Variants in PPIP5K2 observed in about 807,000 individuals in gnomAD.
The protein encoded by PPIP5K2 is inositol hexakisphosphate and diphosphoinositol-pentakisphosphate kinase 2.
A neutral mutation model predicts 154.6 loss-of-function variants in PPIP5K2; 105 were observed. The observed-to-expected ratio is 0.68, with a 90% CI of 0.58 to 0.80. The LOEUF (loss-of-function observed/expected upper bound fraction) is 0.80, where lower values mean the gene tolerates loss of function less well. Among genes scored for constraint, PPIP5K2 ranks in the 30% least tolerant of loss-of-function variants. The pLI, the probability that PPIP5K2 is intolerant of heterozygous loss-of-function variation, is 0.00. For synonymous variants in PPIP5K2, 480 were observed against 490.3 expected, an observed-to-expected ratio of 0.98 and a Z score of 0.28; for missense variants, 992 against 1,504.6, an observed-to-expected ratio of 0.66 and a Z score of 5.64.
At chr5:103,139,221 CTT>C (rs1792117568) in intron 5 of PPIP5K2, among the ~76,000 whole-genome samples, 1 of 152,142 alleles carries the variant, frequency 6.6e-6, no homozygotes, top group Non-Finnish European at 1.5e-5. Context: ...TCTGTTCACA[CTT>C]AGTATTGTGG....
chr5:103,181,959 G>A (rs1449311908), intron 24 of PPIP5K2, among the ~76,000 whole-genome samples: 1 of 151,996 alleles, frequency 6.6e-6, no homozygotes, highest in African/African-American at 2.4e-5. Flanking sequence ...CAAAAGAAAA[G>A]GGTTATTAAA....
intron 29 of PPIP5K2, among the ~76,000 whole-genome samples, chr5:103,194,168 T>G (rs1195349005): frequency 1.3e-5 from 2 of 152,094 alleles, no homozygotes; most frequent in Non-Finnish European, 2.9e-5. Context: ...ACTCTGTCTC[T>G]TTGTTTTTTT....
rs1803095000 is a variant in PPIP5K2 at position 103,201,984 on chromosome 5, T to G, written c.*350T>G. 1 of 166,778 alleles carries G rather than the reference T, an allele frequency of 6.0e-6. No individual in the cohort carries two copies. The highest frequency in any genetic ancestry group is 1.8e-4 in the South Asian group (1 of 5,610). 10.3% of individuals were successfully genotyped at this position (166,778 alleles called of 1,614,324 possible). A position where few individuals can be genotyped will look rare whatever the true frequency, so the allele number is the denominator to read the frequency against. On this transcript the variant is annotated 3_prime_UTR_variant, in exon 31 of 31. Coordinates refer to ENST00000358359, the MANE Select transcript of PPIP5K2 (RefSeq NM_001276277.3). Reference sequence around the variant, plus strand: ...ATGAGCTGGCCTTTGTGCACACTTTTATTTTCATGGGATTGCATCTTAGCT... The same window carrying G: ...ATGAGCTGGCCTTTGTGCACACTTTGATTTTCATGGGATTGCATCTTAGCT...
At position 103,191,085 on chromosome 5, in the gene PPIP5K2, G is replaced by T. The variant is rs944068489; in HGVS notation, c.3493+103G>T. 1.2e-5 allele frequency: 13 copies of T among 1,103,446 alleles called. No individual in the cohort carries two copies. The African/African-American group carries it at 1.9e-4, about 16-fold the overall frequency. The allele number at this position is 1,103,446 out of a possible 1,614,324, so 68.4% of individuals were successfully genotyped here. A position where few individuals can be genotyped will look rare whatever the true frequency, so the allele number is the denominator to read the frequency against. ...CAACATAAAAGCAGGTAGTGGTAAT[G>T]AGTAGGAGTACAAAGGGGAGTGTAA... On this transcript the variant is annotated intron_variant, in intron 29 of 30. Coordinates refer to ENST00000358359, the MANE Select transcript of PPIP5K2 (RefSeq NM_001276277.3).
At position 103,204,649 on chromosome 5, in the gene PPIP5K2, T is replaced by A. The variant is rs1219898099; in HGVS notation, c.*3015T>A. On this transcript the variant is annotated 3_prime_UTR_variant, in exon 31 of 31. Transcript: ENST00000358359. ...TTACACTCCTTCAGAAGGAGTCATT[T>A]GTGATTGGAGTCCACATAGAAACAG... 4.6e-5 allele frequency: 7 copies of A among 152,154 alleles called. No homozygotes were observed. Among genetic ancestry groups the A allele is most frequent in the Non-Finnish European group, 1.0e-4 (7 of 68,028 alleles). 9.4% of individuals were successfully genotyped at this position (152,154 alleles called of 1,614,324 possible).
Position 103,204,296 on chromosome 5 carries a change from C to T in PPIP5K2, c.*2662C>T, listed in dbSNP as rs1477084075. 6.6e-6 allele frequency: 1 copy of T among 151,618 alleles called. No homozygotes were observed. The highest frequency in any genetic ancestry group is 1.9e-4 in the East Asian group (1 of 5,150). 9.4% of individuals were successfully genotyped at this position (151,618 alleles called of 1,614,324 possible). A position where few individuals can be genotyped will look rare whatever the true frequency, so the allele number is the denominator to read the frequency against. ...GTTTATTAACTTTACATCATTTTAT[C>T]CTTGCCTTACTATCTGGACAGTGTA... On this transcript the variant is annotated 3_prime_UTR_variant, in exon 31 of 31. Transcript: ENST00000358359.
chr5:103,191,148 TGTACC>T, intron 29 of PPIP5K2, 166 bp downstream of exon 29: 1 of 499,804 alleles, frequency 2.0e-6, no homozygotes, highest in Non-Finnish European at 3.2e-6. Context: ...TAATGTGAAC[TGTACC>T]TCTTTTTTTT....
chr5:103,189,342 G>T (rs1004073193), intron 28 of PPIP5K2: 4 of 729,390 alleles, frequency 5.5e-6, no homozygotes, highest in African/African-American at 1.8e-5. Context: ...AAAAAATGTA[G>T]TCTAGAGGAA....
chr5:103,197,201 A>T (rs888975347), intron 30 of PPIP5K2, among the ~76,000 whole-genome samples: 1 of 152,114 alleles, frequency 6.6e-6, no homozygotes, highest in Non-Finnish European at 1.5e-5. Context: ...GCTTCATAAA[A>T]TAATTGGGAA....
At chr5:103,137,330 T>G (rs1554204737) in intron 4 of PPIP5K2, among the ~76,000 whole-genome samples, 1 of 151,802 alleles carries the variant, frequency 6.6e-6, no homozygotes, top group East Asian at 1.9e-4. Context: ...GCCCAGCTAA[T>G]TTTTTGTATT....
intron 30 of PPIP5K2, 26 bp from the exon 31 acceptor site, chr5:103,201,492 GTTTT>G: frequency 8.8e-7 from 1 of 1,131,828 alleles, no homozygotes; most frequent in Non-Finnish European, 1.2e-6. Flanking sequence ...TTAAGCAATA[GTTTT>G]TTTTTTTTGT....
Position 103,154,666 on chromosome 5 carries a change from T to C in PPIP5K2, c.1218-4T>C. The C allele has an allele frequency of 6.7e-7, 1 of 1,483,806 alleles. No homozygotes were observed. Among genetic ancestry groups the C allele is most frequent in the Non-Finnish European group, 9.2e-7 (1 of 1,084,960 alleles). 91.9% of individuals were successfully genotyped at this position (1,483,806 alleles called of 1,614,324 possible). A position where few individuals can be genotyped will look rare whatever the true frequency, so the allele number is the denominator to read the frequency against. On this transcript the variant is annotated splice_region_variant and splice_polypyrimidine_tract_variant and intron_variant, in intron 11 of 30. Coordinates refer to ENST00000358359, the MANE Select transcript of PPIP5K2 (RefSeq NM_001276277.3). ...GACTAACAGTGTTCTGTCTTTTTTA[T>C]AAGATTTTTTGATCTTTTTGAAAAG...
chr5:103,154,179 G>A (rs3213796), intron 11 of PPIP5K2, among the ~76,000 whole-genome samples: 2 of 151,892 alleles, frequency 1.3e-5, no homozygotes, highest in East Asian at 3.8e-4. Context: ...TGTCATAAAG[G>A]TGTTCTATTT....
intron 24 of PPIP5K2, among the ~76,000 whole-genome samples, chr5:103,182,250 A>G (rs1799656448): frequency 6.6e-6 from 1 of 152,134 alleles, no homozygotes; most frequent in Non-Finnish European, 1.5e-5. Context: ...ATACAGCAAA[A>G]TGTATTGTAA....
intron 2 of PPIP5K2, among the ~76,000 whole-genome samples, chr5:103,132,308 G>A (rs782356475): frequency 4.6e-5 from 7 of 152,110 alleles, no homozygotes; most frequent in Admixed American, 1.3e-4. Flanking sequence ...TTGGGAGGCC[G>A]AAGCAGACAG....
At position 103,180,667 on chromosome 5, in the gene PPIP5K2, G is replaced by A. The variant is rs1799379683; in HGVS notation, c.2922+479G>A. 2.0e-5 allele frequency among the ~76,000 whole-genome samples: 3 copies of A among 151,972 alleles called. No homozygotes were observed. In the South Asian group the frequency reaches 6.2e-4, roughly 32 times the overall value. ...GATCGAGACCATCCTGGCTAACATA[G>A]TGAAACCCCCGTCTCTACTAAACAT... is the stretch of plus-strand genomic sequence containing the variant. On this transcript the variant is annotated intron_variant, in intron 24 of 30. Coordinates refer to ENST00000358359, the MANE Select transcript of PPIP5K2 (RefSeq NM_001276277.3).
intron 5 of PPIP5K2, among the ~76,000 whole-genome samples, chr5:103,141,261 G>A (rs1346602507): frequency 1.3e-5 from 2 of 152,124 alleles, no homozygotes; most frequent in Non-Finnish European, 2.9e-5. Context: ...TGGCACGTCT[G>A]GAGTCTGTCC....
chr5:103,122,620 G>A (rs1554199478), intron 1 of PPIP5K2, among the ~76,000 whole-genome samples: 2 of 152,168 alleles, frequency 1.3e-5, no homozygotes, highest in Non-Finnish European at 2.9e-5. Context: ...TGTACTATTG[G>A]TGGAAAGGAG....
intron 21 of PPIP5K2, among the ~76,000 whole-genome samples, chr5:103,175,433 C>A (rs373566941): frequency 8.6e-5 from 13 of 151,906 alleles, no homozygotes; most frequent in African/African-American, 2.7e-4. Context: ...GCTTGTATAT[C>A]CAGTAGTATT....
Sources: gnomAD v4.1 joint callset for allele counts (sites outside exome capture counted in the v4.1 genomes callset) on GRCh38, gnomAD v4.1.1 for gene constraint, MANE v1.5 for transcripts, NCBI Gene and HGNC (gene_info 2026-07-23, HGNC 2026-07-21) for gene names.